CAST: variants seen among roughly 807,000 people sequenced by gnomAD.
The protein encoded by CAST is MIR583 host.
Under a neutral mutation model 119.6 loss-of-function variants are expected in CAST, and 76 were observed. The observed-to-expected ratio is 0.64, with a 90% CI of 0.53 to 0.77. The LOEUF is 0.77. Among genes scored for constraint, CAST ranks in the 30% least tolerant of loss-of-function variants. The pLI is 0.00. For missense variants in CAST, 953 were observed against 946.5 expected (o/e 1.01, Z -0.09); for synonymous variants, 319 against 331.6 (o/e 0.96, Z 0.41).
the CAST span, among the ~76,000 whole-genome samples, chr5:96,031,232 CA>C: frequency 0.045 from 2,861 of 63,640 alleles, 28 homozygotes; most frequent in South Asian, 0.076. Flanking sequence ...AGAACATGAC[CA>C]AAAAAAAAAA....
intron 3 of CAST, among the ~76,000 whole-genome samples, chr5:96,719,570 A>G (rs1757838545): frequency 6.6e-6 from 1 of 152,208 alleles, no homozygotes; most frequent in Admixed American, 6.5e-5. Flanking sequence ...CCTTAATTCA[A>G]GTTTATAAAT....
At chr5:96,693,565 A>C (rs773085990) in intron 2 of CAST, among the ~76,000 whole-genome samples, 12 of 152,248 alleles carry the variant, frequency 7.9e-5, no homozygotes, top group Non-Finnish European at 1.8e-4. Flanking sequence ...TGTCACATTG[A>C]AAACAGACCT....
chr5:96,197,710 CTG>C, the CAST span, among the ~76,000 whole-genome samples: 1 of 152,150 alleles, frequency 6.6e-6, no homozygotes, highest in Non-Finnish European at 1.5e-5. Flanking sequence ...AATGAGAAAA[CTG>C]AGGCACAGGG....
At chr5:96,753,078 C>A (rs1380986725) in intron 20 of CAST, among the ~76,000 whole-genome samples, 1 of 151,818 alleles carries the variant, frequency 6.6e-6, no homozygotes, top group Non-Finnish European at 1.5e-5. Flanking sequence ...ACTGCAACCT[C>A]AACCTCCTGA....
chr5:96,161,498 C>T, the CAST span, among the ~76,000 whole-genome samples: 1 of 152,248 alleles, frequency 6.6e-6, no homozygotes, highest in African/African-American at 2.4e-5. Flanking sequence ...CTATAGTCTG[C>T]TCTTATGCCA....
the CAST span, among the ~76,000 whole-genome samples, chr5:95,987,684 A>G: frequency 6.6e-6 from 1 of 152,162 alleles, no homozygotes; most frequent in African/African-American, 2.4e-5. Context: ...TAGTTTCTCT[A>G]TCTGTAAAAT....
chr5:96,299,551 C>T, the CAST span, among the ~76,000 whole-genome samples: 4 of 152,256 alleles, frequency 2.6e-5, no homozygotes, highest in Admixed American at 2.6e-4. Flanking sequence ...GAGTGCAATC[C>T]TCTTTCCTCC....
rs4869146 is a variant in CAST, at chr5:96,573,056, G to A, written c.60+43176G>A. 7.7e-4 allele frequency among the ~76,000 whole-genome samples: 118 copies of A among 152,344 alleles called. 1 individual carries two copies. The highest frequency in any genetic ancestry group is 2.8e-3 in the African/African-American group (116 of 41,574). ...GAGAGAAGGACAAAGCTATGATACT[G>A]AAGGACAAGAAGGAGCAATGCATGA... On this transcript the variant is annotated intron_variant, in intron 1 of 11. Transcript: ENST00000505143.
At chr5:96,314,809 G>A in the CAST span, among the ~76,000 whole-genome samples, 79 of 152,272 alleles carry the variant, frequency 5.2e-4, no homozygotes, top group Admixed American at 3.7e-3. Flanking sequence ...CAGTCAAGAA[G>A]CACATGCTGA....
At chr5:96,708,182 GTTA>G (rs1266792609) in intron 3 of CAST, among the ~76,000 whole-genome samples, 7 of 152,274 alleles carry the variant, frequency 4.6e-5, no homozygotes, top group Non-Finnish European at 8.8e-5. Flanking sequence ...TTAGACATGC[GTTA>G]TTTTATAGCA....
At chr5:96,733,351 G>A (rs1202360536) in intron 9 of CAST, among the ~76,000 whole-genome samples, 1 of 152,130 alleles carries the variant, frequency 6.6e-6, no homozygotes, top group Non-Finnish European at 1.5e-5. Context: ...TGTAATCAAT[G>A]TTTTCAGTTT....
the CAST span, among the ~76,000 whole-genome samples, chr5:96,356,234 C>A: frequency 0.01 from 1,565 of 152,160 alleles, 27 homozygotes; most frequent in African/African-American, 0.036. Context: ...TGGATATTAG[C>A]CCTTTGTCAG....
At chr5:96,218,026 G>C in the CAST span, among the ~76,000 whole-genome samples, 1 of 152,156 alleles carries the variant, frequency 6.6e-6, no homozygotes, top group South Asian at 2.1e-4. Context: ...TCAGTTAATT[G>C]AAAGTTCTGG....
the CAST span, among the ~76,000 whole-genome samples, chr5:96,321,430 C>T: frequency 6.6e-6 from 1 of 152,360 alleles, no homozygotes; most frequent in Admixed American, 6.5e-5. Context: ...TATTCTGACA[C>T]ATTAATACTG....
At chr5:96,452,515 A>G in the CAST span, among the ~76,000 whole-genome samples, 1 of 151,978 alleles carries the variant, frequency 6.6e-6, no homozygotes, top group South Asian at 2.1e-4. Flanking sequence ...CAGTGGAGAG[A>G]TAGCATTAGG....
chr5:96,031,550 A>G, the CAST span, among the ~76,000 whole-genome samples: 1 of 152,172 alleles, frequency 6.6e-6, no homozygotes, highest in Non-Finnish European at 1.5e-5. Flanking sequence ...TTGTAGTGGA[A>G]GTTACCTCGA....
the CAST span, among the ~76,000 whole-genome samples, chr5:96,004,734 G>C: frequency 1.3e-5 from 2 of 152,170 alleles, no homozygotes; most frequent in Non-Finnish European, 2.9e-5. Context: ...TAAAATATGG[G>C]AATGTAGTCT....
chr5:96,085,147 CAACTT>C, the CAST span, among the ~76,000 whole-genome samples: 14 of 152,086 alleles, frequency 9.2e-5, no homozygotes, highest in African/African-American at 3.4e-4. Context: ...TGAAAGAAAA[CAACTT>C]AAAACACCAT....
At chr5:96,738,300 C>T (rs1035927056) in intron 11 of CAST, among the ~76,000 whole-genome samples, 3 of 151,962 alleles carry the variant, frequency 2.0e-5, no homozygotes, top group Non-Finnish European at 2.9e-5. Flanking sequence ...CCAGTTTGGG[C>T]GACAGAGCGA....
Sources: gnomAD v4.1 joint callset for allele counts (sites outside exome capture counted in the v4.1 genomes callset) on GRCh38, gnomAD v4.1.1 for gene constraint, MANE v1.5 for transcripts, NCBI Gene and HGNC (gene_info 2026-07-23, HGNC 2026-07-21) for gene names.